SCMH1: variants seen among roughly 807,000 people sequenced by gnomAD.
The protein encoded by SCMH1 is Scm polycomb group protein homolog 1.
SCMH1 carries 37 observed loss-of-function variants against 70.8 expected under a neutral mutation model. The observed-to-expected ratio is 0.52, with a 90% CI of 0.40 to 0.69. The LOEUF (loss-of-function observed/expected upper bound fraction) is 0.69. Among genes scored for constraint, SCMH1 ranks in the 30% least tolerant of loss-of-function variants. SCMH1 has a pLI of 0.00. For missense variants in SCMH1, 607 were observed against 827.3 expected, an observed-to-expected ratio of 0.73 and a Z score of 3.27; for synonymous variants, 292 against 307.4, an observed-to-expected ratio of 0.95 and a Z score of 0.52.
intron 2 of SCMH1, among the ~76,000 whole-genome samples, chr1:41,179,085 T>G (rs1647891085): frequency 6.6e-6 from 1 of 151,984 alleles, no homozygotes; most frequent in Non-Finnish European, 1.5e-5. Flanking sequence ...AGAAACTCAC[T>G]CAAAACCGCT....
At chr1:41,104,468 T>C (rs1283964982) in intron 8 of SCMH1, among the ~76,000 whole-genome samples, 2 of 152,164 alleles carry the variant, frequency 1.3e-5, no homozygotes, top group African/African-American at 2.4e-5. Flanking sequence ...ACCAAAAAGT[T>C]AGCTTTGATT....
intron 8 of SCMH1, among the ~76,000 whole-genome samples, chr1:41,110,071 A>T (rs770363437): frequency 1.3e-5 from 2 of 152,220 alleles, no homozygotes; most frequent in African/African-American, 2.4e-5. Context: ...CTATTACCTC[A>T]CAGTGCTTCC....
intron 10 of SCMH1, among the ~76,000 whole-genome samples, chr1:41,070,091 A>T (rs1256278820): frequency 6.6e-6 from 1 of 152,200 alleles, no homozygotes; most frequent in Non-Finnish European, 1.5e-5. Context: ...AGTTACTGTC[A>T]TAGACAGTTT....
intron 8 of SCMH1, among the ~76,000 whole-genome samples, chr1:41,092,534 A>C (rs1200697517): frequency 6.6e-6 from 1 of 152,222 alleles, no homozygotes; most frequent in Non-Finnish European, 1.5e-5. Flanking sequence ...GGATCTAATT[A>C]AACGAAAGAG....
At chr1:41,040,513 G>T (rs576479470) in intron 12 of SCMH1, among the ~76,000 whole-genome samples, 1 of 152,134 alleles carries the variant, frequency 6.6e-6, no homozygotes, top group African/African-American at 2.4e-5. Context: ...TGCTCTTTTG[G>T]AATACAGAGA....
At chr1:41,224,161 A>G (rs1236962688) in intron 1 of SCMH1, among the ~76,000 whole-genome samples, 2 of 152,164 alleles carry the variant, frequency 1.3e-5, no homozygotes, top group Non-Finnish European at 2.9e-5. Context: ...CCTAATTTGC[A>G]TAGAATAGAA....
intron 1 of SCMH1, among the ~76,000 whole-genome samples, chr1:41,201,428 T>C (rs1311315985): frequency 2.0e-5 from 3 of 152,232 alleles, no homozygotes. Flanking sequence ...GTTCTCTTAG[T>C]GCCTTCCCAG....
At chr1:41,075,502 T>C (rs781073449) in intron 8 of SCMH1, 51 bp from the exon 9 acceptor site, 2 of 1,496,426 alleles carry the variant, frequency 1.3e-6, no homozygotes, top group Admixed American at 3.5e-5. Flanking sequence ...TGCATTCTCA[T>C]CCCAGCCAGA....
At chr1:41,091,528 T>C (rs1193370098) in intron 8 of SCMH1, among the ~76,000 whole-genome samples, 1 of 152,210 alleles carries the variant, frequency 6.6e-6, no homozygotes, top group African/African-American at 2.4e-5. Flanking sequence ...TTGGAAGTTC[T>C]GGCCAGGGCA....
chr1:41,116,179 T>C (rs1181395222), intron 7 of SCMH1, among the ~76,000 whole-genome samples: 1 of 152,206 alleles, frequency 6.6e-6, no homozygotes, highest in Admixed American at 6.5e-5. Flanking sequence ...CATCTTTATT[T>C]CTAGTCCCAA....
chr1:41,152,600 T>C (rs1645164902), intron 4 of SCMH1: 1 of 1,614,124 alleles, frequency 6.2e-7, no homozygotes, highest in East Asian at 2.2e-5. Context: ...AATACCCACC[T>C]AGAGGTGACC....
intron 12 of SCMH1, among the ~76,000 whole-genome samples, chr1:41,038,429 A>C (rs774375478): frequency 3.9e-5 from 6 of 152,158 alleles, no homozygotes; most frequent in Non-Finnish European, 7.4e-5. Context: ...CTGGAGCATA[A>C]CACTGTCCTT....
chr1:41,188,079 G>A, intron 1 of SCMH1, among the ~76,000 whole-genome samples: 1 of 152,196 alleles, frequency 6.6e-6, no homozygotes, highest in Middle Eastern at 3.2e-3. Context: ...CCAAAAGATA[G>A]TAATGGCACT....
At chr1:41,036,067 C>G (rs1323969022) in intron 13 of SCMH1, among the ~76,000 whole-genome samples, 1 of 152,134 alleles carries the variant, frequency 6.6e-6, no homozygotes, top group Non-Finnish European at 1.5e-5. Flanking sequence ...GTGGGCTCAC[C>G]TTCCCGTTCT....
intron 6 of SCMH1, among the ~76,000 whole-genome samples, chr1:41,126,420 C>CAA (rs1271368638): frequency 6.6e-6 from 1 of 151,986 alleles, no homozygotes; most frequent in Non-Finnish European, 1.5e-5. Flanking sequence ...ATACTTAGTT[C>CAA]AAAAGTCAAA....
intron 8 of SCMH1, among the ~76,000 whole-genome samples, chr1:41,093,461 G>A (rs1664210146): frequency 6.6e-6 from 1 of 152,042 alleles, no homozygotes; most frequent in Admixed American, 6.5e-5. Flanking sequence ...CATGGCACAT[G>A]TATACATATG....
intron 10 of SCMH1, among the ~76,000 whole-genome samples, chr1:41,070,285 G>A (rs573222934): frequency 1.3e-5 from 2 of 152,110 alleles, no homozygotes; most frequent in South Asian, 4.2e-4. Context: ...TGAAATGCTG[G>A]GAGGATTCTG....
At position 41,069,332 on chromosome 1, in the gene SCMH1, A is replaced by G. The variant is rs75620791; in HGVS notation, c.1105+1263T>C. 1.1e-3 allele frequency among the ~76,000 whole-genome samples: 174 copies of G among 152,292 alleles called. 1 individual carries two copies. Among genetic ancestry groups the G allele is most frequent in the African/African-American group, 4.0e-3 (166 of 41,564 alleles). On this transcript the variant is annotated intron_variant, in intron 10 of 14. Transcript: ENST00000337495. ...GTGGGTAGTCATTAGAAAAATAACT[A>G]AAAAAGACAGCAATATAGACATGCT...
At chr1:41,223,478 T>A (rs1055397417) in intron 1 of SCMH1, among the ~76,000 whole-genome samples, 1 of 152,202 alleles carries the variant, frequency 6.6e-6, no homozygotes, top group Non-Finnish European at 1.5e-5. Flanking sequence ...TAAAATTTTG[T>A]TCATTCTATA....
Sources: gnomAD v4.1 joint callset for allele counts (sites outside exome capture counted in the v4.1 genomes callset) on GRCh38, gnomAD v4.1.1 for gene constraint, MANE v1.5 for transcripts, NCBI Gene and HGNC (gene_info 2026-07-23, HGNC 2026-07-21) for gene names.